Variants in LARP4B observed in about 807,000 individuals in gnomAD.
LARP4B encodes la-related protein 4B.
LARP4B carries 12 observed loss-of-function variants against 89.8 expected under a neutral mutation model. The ratio of observed to expected loss-of-function variants is 0.13; its 90% CI spans 0.09 to 0.22. The LOEUF is 0.22. Among genes scored for constraint, LARP4B ranks in the 10% least tolerant of loss-of-function variants. The pLI is 1.00. For synonymous variants in LARP4B, 367 were observed against 363.3 expected (o/e 1.01, Z -0.12); for missense variants, 757 against 947.7 (o/e 0.80, Z 2.64).
Position 869,949 on chromosome 10 carries a change from T to A in LARP4B, c.142-5679A>T, listed in dbSNP as rs570208410. 483 of 150,104 alleles carry A rather than the reference T, an allele frequency of 3.2e-3. 2 individuals are homozygous for A. The highest frequency in any genetic ancestry group is 9.3e-3 in the African/African-American group (313 of 33,700). The allele number at this position is 150,104 out of a possible 1,614,324, so 9.3% of individuals were successfully genotyped here. A position where few individuals can be genotyped will look rare whatever the true frequency, so the allele number is the denominator to read the frequency against. ...ATAATAATAATAATAATAATAATAATAAATTAAAATGTATAGCCCAGCATA... is the reference window on the plus strand; with the variant it reads ...ATAATAATAATAATAATAATAATAAAAAATTAAAATGTATAGCCCAGCATA... On this transcript the variant is annotated intron_variant, in intron 3 of 17. Coordinates refer to ENST00000316157, the MANE Select transcript of LARP4B (RefSeq NM_015155.3).
At chr10:888,837 G>A (rs775936075) in intron 1 of LARP4B, among the ~76,000 whole-genome samples, 77 of 152,302 alleles carry the variant, frequency 5.1e-4, no homozygotes, top group Non-Finnish European at 9.7e-4. Flanking sequence ...CTATAATCCC[G>A]CACTTTGGGA....
intron 17 of LARP4B, 92 bp from the exon 18 acceptor site, chr10:813,305 A>G (rs1194313411): frequency 7.0e-6 from 9 of 1,278,906 alleles, no homozygotes; most frequent in Non-Finnish European, 9.6e-6. Flanking sequence ...AAGAGTTTTC[A>G]ACTGTAACTA....
At chr10:988,243 C>T in the LARP4B span, 1 of 487,912 alleles carries the variant, frequency 2.0e-6, no homozygotes, top group East Asian at 3.5e-5. Context: ...CCCCTAAAAC[C>T]CGGGCGTCCT....
At chr10:951,215 T>C in the LARP4B span, among the ~76,000 whole-genome samples, 1 of 152,188 alleles carries the variant, frequency 6.6e-6, no homozygotes, top group South Asian at 2.1e-4. Flanking sequence ...ATAGATGTTC[T>C]TTATTAAGTT....
chr10:969,287 C>T, the LARP4B span, among the ~76,000 whole-genome samples: 1 of 152,184 alleles, frequency 6.6e-6, no homozygotes, highest in South Asian at 2.1e-4. Flanking sequence ...CTCCCATCTC[C>T]CAACTCCACT....
At chr10:863,521 G>T (rs11253479) in intron 5 of LARP4B, among the ~76,000 whole-genome samples, 1 of 152,012 alleles carries the variant, frequency 6.6e-6, no homozygotes, top group East Asian at 1.9e-4. Flanking sequence ...GAGCCCCCGC[G>T]CCCGGCCCAG....
At chr10:888,424 G>A (rs958254548) in intron 1 of LARP4B, among the ~76,000 whole-genome samples, 7 of 151,660 alleles carry the variant, frequency 4.6e-5, no homozygotes, top group Non-Finnish European at 8.8e-5. Context: ...AACAGTTGTT[G>A]ATGAATGCTA....
chr10:844,936 C>T, intron 6 of LARP4B, 41 bp downstream of exon 6: 2 of 1,434,970 alleles, frequency 1.4e-6, no homozygotes, highest in Non-Finnish European at 1.9e-6. Flanking sequence ...TTGCACAATA[C>T]TAGAAATATC....
intron 1 of LARP4B, among the ~76,000 whole-genome samples, chr10:923,681 CTGA>C (rs1298918041): frequency 6.6e-6 from 1 of 152,052 alleles, no homozygotes; most frequent in Admixed American, 6.6e-5. Flanking sequence ...TTTAAAGGAC[CTGA>C]TATTTTTAAA....
chr10:923,161 TAA>T (rs1432905465), intron 1 of LARP4B, among the ~76,000 whole-genome samples: 1 of 152,050 alleles, frequency 6.6e-6, no homozygotes, highest in Non-Finnish European at 1.5e-5. Flanking sequence ...CAAGAAACAC[TAA>T]ATGCCAGTGT....
chr10:853,161 C>T (rs1392749290), intron 5 of LARP4B, among the ~76,000 whole-genome samples: 2 of 152,146 alleles, frequency 1.3e-5, no homozygotes, highest in East Asian at 3.9e-4. Flanking sequence ...AGTTGGAAGG[C>T]TATCACTACC....
At chr10:824,952 C>A in intron 13 of LARP4B, 113 bp downstream of exon 13, 1 of 1,107,974 alleles carries the variant, frequency 9.0e-7, no homozygotes, top group Non-Finnish European at 1.2e-6. Context: ...TGTTTATAGC[C>A]TTCAGTTAGA....
intron 5 of LARP4B, among the ~76,000 whole-genome samples, chr10:852,073 CTAAG>C (rs1834083250): frequency 6.6e-6 from 1 of 151,844 alleles, no homozygotes; most frequent in Non-Finnish European, 1.5e-5. Context: ...AGCAACTAAA[CTAAG>C]TAAGTTTAGT....
intron 1 of LARP4B, among the ~76,000 whole-genome samples, chr10:927,292 G>A (rs988223598): frequency 1.3e-5 from 2 of 152,140 alleles, no homozygotes; most frequent in Admixed American, 6.5e-5. Context: ...TGGCGGGGGG[G>A]CAGTGAGAAA....
chr10:832,276 C>G (rs549222022), intron 8 of LARP4B, among the ~76,000 whole-genome samples: 263 of 152,256 alleles, frequency 1.7e-3, no homozygotes, highest in Non-Finnish European at 3.0e-3. Flanking sequence ...ATCTCCTGAC[C>G]TCGTGATCCG....
Position 869,838 on chromosome 10 carries a change from T to C in LARP4B, c.142-5568A>G, listed in dbSNP as rs531605346. Reference sequence around the variant, plus strand: ...ATCACTTGAACTTGGGAGGTGGAGGTTGCAGTGAGCTGAGATCACGCCACT... The same window carrying C: ...ATCACTTGAACTTGGGAGGTGGAGGCTGCAGTGAGCTGAGATCACGCCACT... On this transcript the variant is annotated intron_variant, in intron 3 of 17. Transcript: ENST00000316157. Among the ~76,000 whole-genome samples the C allele has an allele frequency of 1.8e-4, 26 of 146,350 alleles. No homozygotes were observed. In the South Asian group the frequency reaches 5.3e-3, roughly 30 times the overall value.
chr10:821,117 T>C (rs1832330185), intron 13 of LARP4B, among the ~76,000 whole-genome samples: 1 of 152,222 alleles, frequency 6.6e-6, no homozygotes, highest in Non-Finnish European at 1.5e-5. Context: ...TGGTGCCTCC[T>C]TGGGATGTCT....
In LARP4B at chr10:814,191, G is replaced by A. The variant is rs1831895581; in HGVS notation, c.1929+551C>T. Among the ~76,000 whole-genome samples, 1 of 151,960 alleles carries A rather than the reference G, an allele frequency of 6.6e-6. No individual in the cohort carries two copies. The highest frequency in any genetic ancestry group is 1.9e-4 in the East Asian group (1 of 5,200). ...AGACTCAGCCCAGGGGACAGTAAGG[G>A]ATTAAACTCCCAAATTCAAGGAAAA... is the stretch of plus-strand genomic sequence containing the variant. On this transcript the variant is annotated intron_variant, in intron 17 of 17. Transcript: ENST00000316157. The surrounding 1 kb of genome is among the most constrained non-coding windows in gnomAD (Gnocchi z 4.4).
intron 7 of LARP4B, among the ~76,000 whole-genome samples, chr10:842,411 C>G (rs1283633874): frequency 6.6e-6 from 1 of 151,954 alleles, no homozygotes; most frequent in Admixed American, 6.6e-5. Context: ...TTGGCCAAGA[C>G]AGTCTCAATC....
Sources: gnomAD v4.1 joint callset for allele counts (sites outside exome capture counted in the v4.1 genomes callset) on GRCh38, gnomAD v4.1.1 for gene constraint, Gnocchi (gnomAD v3.1) non-coding constraint, MANE v1.5 for transcripts, NCBI Gene and HGNC (gene_info 2026-07-23, HGNC 2026-07-21) for gene names.